Variants in FYN observed in about 807,000 individuals in gnomAD.
FYN encodes FYN proto-oncogene, Src family tyrosine kinase, also known as tyrosine-protein kinase Fyn.
FYN carries 10 observed loss-of-function variants against 70.2 expected under a neutral mutation model. The observed-to-expected ratio is 0.14, with a 90% CI of 0.09 to 0.24. The LOEUF (loss-of-function observed/expected upper bound fraction) is 0.24. Among genes scored for constraint, FYN ranks in the 10% least tolerant of loss-of-function variants. The pLI is 1.00. For missense variants in FYN, 319 were observed against 673.1 expected, an observed-to-expected ratio of 0.47 and a Z score of 5.82; for synonymous variants, 236 against 248.6, an observed-to-expected ratio of 0.95 and a Z score of 0.48.
chr6:111,715,904 G>A (rs1401156212), intron 4 of FYN, among the ~76,000 whole-genome samples: 2 of 152,156 alleles, frequency 1.3e-5, no homozygotes, highest in African/African-American at 4.8e-5. Flanking sequence ...GGATCCAAGC[G>A]GTGCCACACT....
chr6:111,821,922 A>G (rs568463051), intron 2 of FYN, among the ~76,000 whole-genome samples: 2 of 152,276 alleles, frequency 1.3e-5, no homozygotes, highest in South Asian at 2.1e-4. Flanking sequence ...AATCAAAACC[A>G]CAATGAGATA....
intron 3 of FYN, among the ~76,000 whole-genome samples, chr6:111,775,191 G>T (rs188505632): frequency 6.6e-6 from 1 of 152,154 alleles, no homozygotes; most frequent in Non-Finnish European, 1.5e-5. Context: ...ACAGCTACTT[G>T]TTCTGAAAAT....
chr6:111,752,214 C>T (rs1484246836), intron 3 of FYN, among the ~76,000 whole-genome samples: 1 of 152,116 alleles, frequency 6.6e-6, no homozygotes, highest in East Asian at 1.9e-4. Flanking sequence ...AGTTATTTAT[C>T]CTCTCTTAAA....
At chr6:111,684,328 C>A (rs1274191396) in intron 12 of FYN, among the ~76,000 whole-genome samples, 1 of 152,074 alleles carries the variant, frequency 6.6e-6, no homozygotes, top group Non-Finnish European at 1.5e-5. Flanking sequence ...AAGGAATATT[C>A]AGGCTGAGAG....
intron 12 of FYN, among the ~76,000 whole-genome samples, chr6:111,684,578 C>T (rs561450563): frequency 9.2e-5 from 14 of 152,136 alleles, no homozygotes; most frequent in Non-Finnish European, 1.8e-4. Context: ...GACATGGAGG[C>T]TACCAGAAGG....
intron 2 of FYN, among the ~76,000 whole-genome samples, chr6:111,808,150 A>C (rs370491942): frequency 3.9e-5 from 6 of 152,284 alleles, no homozygotes; most frequent in African/African-American, 1.2e-4. Flanking sequence ...CTGAGATCAG[A>C]GGTCAGTCCC....
chr6:111,808,947 T>A (rs1274240484), intron 2 of FYN, among the ~76,000 whole-genome samples: 2 of 152,232 alleles, frequency 1.3e-5, no homozygotes, highest in East Asian at 1.9e-4. Context: ...AGCCATGTAG[T>A]GAAGGTTTCA....
intron 2 of FYN, among the ~76,000 whole-genome samples, chr6:111,789,225 C>G (rs189630635): frequency 8.5e-4 from 129 of 152,276 alleles, no homozygotes; most frequent in Non-Finnish European, 1.7e-3. Context: ...GAGCAAGGCA[C>G]CAATATAAGC....
intron 1 of FYN, among the ~76,000 whole-genome samples, chr6:111,847,542 A>T (rs1773566746): frequency 6.6e-6 from 1 of 152,032 alleles, no homozygotes; most frequent in Admixed American, 6.5e-5. Context: ...GGCAGGAACA[A>T]TTTTTCCTAT....
At chr6:111,870,995 AGTGT>A (rs1774255169) in intron 1 of FYN, among the ~76,000 whole-genome samples, 1 of 152,208 alleles carries the variant, frequency 6.6e-6, no homozygotes, top group Non-Finnish European at 1.5e-5. Flanking sequence ...GTTCTTAAAA[AGTGT>A]GTAAGTAAAT....
intron 3 of FYN, among the ~76,000 whole-genome samples, chr6:111,747,839 A>G (rs751668947): frequency 2.0e-4 from 31 of 152,364 alleles, no homozygotes; most frequent in Non-Finnish European, 1.5e-4. Context: ...AGCATCAACG[A>G]TATGTCAGAT....
chr6:111,694,582 C>T lies in FYN; in HGVS notation c.1119+46G>A. 1.2e-6 allele frequency: 2 copies of T among 1,613,672 alleles called. No homozygotes were observed. Among genetic ancestry groups the T allele is most frequent in the Non-Finnish European group, 8.5e-7 (1 of 1,179,682 alleles). ...TACACCACGACCCAATGTACTTAGA[C>T]ACGTCATTAAATCTATGGCACATCA... On this transcript the variant is annotated intron_variant, in intron 11 of 13. Coordinates refer to ENST00000354650, the MANE Select transcript of FYN (RefSeq NM_002037.5). The surrounding 1 kb of genome is among the most constrained non-coding windows in gnomAD (Gnocchi z 5.0).
At chr6:111,755,807 A>G (rs912590558) in intron 3 of FYN, among the ~76,000 whole-genome samples, 1 of 152,312 alleles carries the variant, frequency 6.6e-6, no homozygotes, top group South Asian at 2.1e-4. Flanking sequence ...TATGGTAATT[A>G]CAACATTCTT....
chr6:111,868,349 G>A (rs1319346659), intron 1 of FYN, among the ~76,000 whole-genome samples: 3 of 152,176 alleles, frequency 2.0e-5, no homozygotes, highest in Non-Finnish European at 2.9e-5. Context: ...AAATGAGTAA[G>A]TATGTAGACA....
intron 2 of FYN, among the ~76,000 whole-genome samples, chr6:111,831,193 C>A (rs1773006568): frequency 6.6e-6 from 1 of 152,092 alleles, no homozygotes; most frequent in Non-Finnish European, 1.5e-5. Context: ...TGGAAAGTTT[C>A]TCTCCTATCT....
At chr6:111,857,150 A>C (rs1043531478) in intron 1 of FYN, among the ~76,000 whole-genome samples, 1 of 152,210 alleles carries the variant, frequency 6.6e-6, no homozygotes, top group Non-Finnish European at 1.5e-5. Flanking sequence ...ACTGAATAAA[A>C]ATGAAGAGCA....
At chr6:111,824,538 C>T (rs573838702) in intron 2 of FYN, among the ~76,000 whole-genome samples, 1 of 152,296 alleles carries the variant, frequency 6.6e-6, no homozygotes, top group South Asian at 2.1e-4. Flanking sequence ...GTACCTTTGT[C>T]TATCTATAGT....
rs1025062337 is a variant in FYN, at chr6:111,814,376, C to A, written c.-82+32213G>T. On this transcript the variant is annotated intron_variant, in intron 2 of 13. Coordinates refer to ENST00000354650, the MANE Select transcript of FYN (RefSeq NM_002037.5). ...TCATTGATGAGGTCCCATATTCTCA[C>A]CCAAAACAAAACAAAGCAAAATCTG... Among the ~76,000 whole-genome samples, 17 of 151,990 alleles carry A rather than the reference C, an allele frequency of 1.1e-4. 1 individual carries two copies. Among genetic ancestry groups the A allele is most frequent in the African/African-American group, 4.1e-4 (17 of 41,352 alleles).
chr6:111,815,598 A>G (rs1772461882), intron 2 of FYN, among the ~76,000 whole-genome samples: 1 of 152,238 alleles, frequency 6.6e-6, no homozygotes, highest in South Asian at 2.1e-4. Context: ...TTTGTAAAAT[A>G]TATAACTAGA....
Sources: gnomAD v4.1 joint callset for allele counts (sites outside exome capture counted in the v4.1 genomes callset) on GRCh38, gnomAD v4.1.1 for gene constraint, Gnocchi (gnomAD v3.1) non-coding constraint, MANE v1.5 for transcripts, NCBI Gene and HGNC (gene_info 2026-07-23, HGNC 2026-07-21) for gene names.